The following WNT9B variants were observed in gnomAD, a reference collection of about 807,000 sequenced individuals.
The protein encoded by WNT9B is Wnt family member 9B.
A neutral mutation model predicts 30.2 loss-of-function variants in WNT9B; 12 were observed. The ratio of observed to expected loss-of-function variants is 0.40; its 90% CI spans 0.26 to 0.64. The LOEUF is 0.64. Ranked by LOEUF, WNT9B falls within the 30% of genes least tolerant of loss-of-function variation. The pLI, the probability that WNT9B is intolerant of heterozygous loss-of-function variation, is 0.42. For synonymous variants in WNT9B, 218 were observed against 216.9 expected (o/e 1.01, Z -0.05); for missense variants, 442 against 485.2 (o/e 0.91, Z 0.84).
At chr17:46,866,464 G>T (rs2085139013) in intron 1 of WNT9B, among the ~76,000 whole-genome samples, 2 of 152,062 alleles carry the variant, frequency 1.3e-5, no homozygotes, top group African/African-American at 4.8e-5. Flanking sequence ...GTGAGGGAGT[G>T]TGAGTGTGTG....
chr17:46,852,918 G>A (rs1015004138), intron 1 of WNT9B, among the ~76,000 whole-genome samples: 4 of 152,138 alleles, frequency 2.6e-5, no homozygotes, highest in Admixed American at 2.0e-4. Flanking sequence ...GTGGAAACAT[G>A]TCTGGGCTGT....
At chr17:46,870,904 CTTTTTTTTTTTT>C (rs144277402) in intron 1 of WNT9B, among the ~76,000 whole-genome samples, 1 of 78,396 alleles carries the variant, frequency 1.3e-5, no homozygotes, top group Non-Finnish European at 2.4e-5. Context: ...TCCACCTTTG[CTTTTTTTTTTTT>C]TTTTTTTTTT....
intron 1 of WNT9B, among the ~76,000 whole-genome samples, chr17:46,860,231 G>A (rs778271582): frequency 6.6e-6 from 1 of 152,148 alleles, no homozygotes; most frequent in South Asian, 2.1e-4. Flanking sequence ...GGCTGAGGAC[G>A]GGAAGGAGGA....
At chr17:46,859,640 G>A (rs2085000656) in intron 1 of WNT9B, among the ~76,000 whole-genome samples, 1 of 152,116 alleles carries the variant, frequency 6.6e-6, no homozygotes, top group Non-Finnish European at 1.5e-5. Context: ...TTCTCTAACT[G>A]TGCACTATTT....
rs759252167 is a variant in WNT9B at position 46,876,596 on chromosome 17, C to A, written c.952C>A (p.Arg318=). Residue 318 remains arginine, a synonymous_variant, in exon 4 of 4, where the codon CGG becomes AGG. Coordinates refer to ENST00000290015, the MANE Select transcript of WNT9B (RefSeq NM_003396.3). ...EASCSSLCCG[R]GYDTQSRLVA... is the part of the protein sequence containing the mutation. ...CAGCTGCAGCAGCCTGTGCTGCGGG[C>A]GGGGCTATGACACCCAGAGCCGCCT... The A allele has an allele frequency of 2.5e-6, 4 of 1,613,164 alleles. No homozygotes were observed. The African/African-American group carries it at 4.0e-5, about 16-fold the overall frequency.
chr17:46,879,539 C>G lies in WNT9B; in HGVS notation c.*2821C>G, dbSNP rs944312584. 1.3e-5 allele frequency among the ~76,000 whole-genome samples: 2 copies of G among 152,224 alleles called. No individual in the cohort carries two copies. The highest frequency in any genetic ancestry group is 6.5e-5 in the Admixed American group (1 of 15,288). Reference sequence around the variant, plus strand: ...GCTATTTAGAAACAAAAACTTTTACCCCTTTCATCTCACTTGATTTCTCCG... The same window carrying G: ...GCTATTTAGAAACAAAAACTTTTACGCCTTTCATCTCACTTGATTTCTCCG... On this transcript the variant is annotated 3_prime_UTR_variant, in exon 4 of 4. Coordinates refer to ENST00000290015, the MANE Select transcript of WNT9B (RefSeq NM_003396.3).
chr17:46,872,984 A>C (rs1194620135), intron 2 of WNT9B, among the ~76,000 whole-genome samples: 1 of 151,762 alleles, frequency 6.6e-6, no homozygotes, highest in Non-Finnish European at 1.5e-5. Context: ...GGTTTGGGGG[A>C]GCAGAGGAGC....
intron 1 of WNT9B, among the ~76,000 whole-genome samples, chr17:46,854,551 A>G (rs2084908400): frequency 6.6e-6 from 1 of 152,058 alleles, no homozygotes; most frequent in Non-Finnish European, 1.5e-5. Flanking sequence ...CAACCCCCAA[A>G]CCCCAAACCA....
In WNT9B at chr17:46,876,781, C is replaced by G. The variant is rs1481641490; in HGVS notation, c.*63C>G. ...CCTCCTGTGGCACCCTTCAAGCTGC[C>G]CAGCCGGCCCTCTGGGCAGACTGTC... On this transcript the variant is annotated 3_prime_UTR_variant, in exon 4 of 4. Transcript: ENST00000290015. 5.4e-6 allele frequency: 8 copies of G among 1,475,464 alleles called. No individual in the cohort carries two copies. In the East Asian group the frequency reaches 1.7e-4, roughly 31 times the overall value. 91.4% of individuals were successfully genotyped at this position (1,475,464 alleles called of 1,614,324 possible).
upstream of WNT9B, among the ~76,000 whole-genome samples, chr17:46,850,507 C>A: frequency 6.6e-6 from 1 of 152,290 alleles, no homozygotes; most frequent in East Asian, 1.9e-4. Flanking sequence ...GCCAAGGTCG[C>A]AGTCACTTGA....
In WNT9B at chr17:46,877,697, C is replaced by T. The variant is rs920912258; in HGVS notation, c.*979C>T. On this transcript the variant is annotated 3_prime_UTR_variant, in exon 4 of 4. Transcript: ENST00000290015. Reference sequence around the variant, plus strand: ...CTTTGGTGACTTCCTGTGGCTGGGGCCTGCCTGGTCTGTGACACCCCCATA... The same window carrying T: ...CTTTGGTGACTTCCTGTGGCTGGGGTCTGCCTGGTCTGTGACACCCCCATA... Among the ~76,000 whole-genome samples the T allele has an allele frequency of 6.6e-6, 1 of 152,186 alleles. No individual in the cohort carries two copies. Among genetic ancestry groups the T allele is most frequent in the African/African-American group, 2.4e-5 (1 of 41,436 alleles).
At chr17:46,841,414 G>A (rs1187930382) in intron 1 of WNT9B, among the ~76,000 whole-genome samples, 1 of 152,202 alleles carries the variant, frequency 6.6e-6, no homozygotes, top group African/African-American at 2.4e-5. Context: ...ATTCATCACC[G>A]AGTGAGAGTG....
In WNT9B at chr17:46,875,315, C is replaced by A. The variant is rs370511554; in HGVS notation, c.549C>A (p.Asn183Lys). The A allele has an allele frequency of 8.7e-6, 14 of 1,613,526 alleles. No homozygotes were observed. The highest frequency in any genetic ancestry group is 5.5e-5 in the South Asian group (5 of 91,056). ...ACTTCCTGGGGTCCAAGAGAGGAAA[C>A]AAGGACCTGCGGGCACGGGCAGACG... is the stretch of plus-strand genomic sequence containing the variant. ...LSNFLGSKRGNKDLRARADAH... is the reference protein window; with the variant it reads ...LSNFLGSKRGKKDLRARADAH... Residue 183 changes from asparagine (N) to lysine (K), a missense_variant, in exon 3 of 4, where the codon AAC becomes AAA. Transcript: ENST00000290015.
chr17:46,866,888 C>G (rs934295621), intron 1 of WNT9B, among the ~76,000 whole-genome samples: 3 of 152,142 alleles, frequency 2.0e-5, no homozygotes, highest in Non-Finnish European at 4.4e-5. Flanking sequence ...GCTTGGGGTC[C>G]TCTTAGGTGA....
intron 1 of WNT9B, among the ~76,000 whole-genome samples, chr17:46,860,038 A>G (rs1473120760): frequency 6.6e-6 from 1 of 152,182 alleles, no homozygotes; most frequent in Non-Finnish European, 1.5e-5. Flanking sequence ...AAGGTAAAAG[A>G]AATTTTACTG....
intron 1 of WNT9B, among the ~76,000 whole-genome samples, chr17:46,852,269 G>A (rs1011864365): frequency 6.9e-6 from 1 of 144,132 alleles, no homozygotes; most frequent in African/African-American, 2.5e-5. Flanking sequence ...GGAAACCTCG[G>A]ACGGTGAGAG....
downstream of WNT9B, chr17:46,885,042 G>C (rs761272911): frequency 2.3e-6 from 1 of 440,226 alleles, no homozygotes; most frequent in South Asian, 1.6e-5. Context: ...AGGTTGGAGT[G>C]CAGTGGCAAG....
chr17:46,876,592 CGGGCG>C lies in WNT9B; in HGVS notation c.953_957del (p.Arg318LeufsTer2). On this transcript the variant is annotated frameshift_variant, in exon 4 of 4. Coordinates refer to ENST00000290015, the MANE Select transcript of WNT9B (RefSeq NM_003396.3). LOFTEE classifies it high-confidence loss of function. ...AGGCCAGCTGCAGCAGCCTGTGCTG[CGGGCG>C]GGGCTATGACACCCAGAGCCGCCTG... The C allele has an allele frequency of 6.2e-7, 1 of 1,613,256 alleles. No homozygotes were observed. Among genetic ancestry groups the C allele is most frequent in the Non-Finnish European group, 8.5e-7 (1 of 1,179,770 alleles).
intron 1 of WNT9B, among the ~76,000 whole-genome samples, chr17:46,870,904 C>CTTTTTTTTT (rs144277402): frequency 2.6e-5 from 2 of 78,388 alleles, no homozygotes; most frequent in African/African-American, 5.0e-5. Flanking sequence ...TCCACCTTTG[C>CTTTTTTTTT]TTTTTTTTTT....
Sources: gnomAD v4.1 joint callset for allele counts (sites outside exome capture counted in the v4.1 genomes callset) on GRCh38, gnomAD v4.1.1 for gene constraint, MANE v1.5 for transcripts, NCBI Gene and HGNC (gene_info 2026-07-23, HGNC 2026-07-21) for gene names.